Variants in SYCP1 observed in about 807,000 individuals in gnomAD.
SYCP1 encodes the protein synaptonemal complex protein 1.
In SYCP1, 64 loss-of-function variants were observed where a neutral mutation model predicts 153.1. The ratio of observed to expected loss-of-function variants is 0.42; its 90% CI spans 0.34 to 0.51. SYCP1 has a LOEUF of 0.51. Among genes scored for constraint, SYCP1 ranks in the 20% least tolerant of loss-of-function variants. SYCP1 has a pLI of 0.06. For missense variants in SYCP1, 997 were observed against 1,049.0 expected (o/e 0.95, Z 0.68); for synonymous variants, 384 against 341.8 (o/e 1.12, Z -1.36).
intron 23 of SYCP1, among the ~76,000 whole-genome samples, chr1:114,938,661 G>C (rs1670188357): frequency 6.6e-6 from 1 of 151,906 alleles, no homozygotes; most frequent in South Asian, 2.1e-4. Context: ...GGAACCATTT[G>C]TTTAGAACTG....
intron 27 of SYCP1, among the ~76,000 whole-genome samples, chr1:114,958,847 A>G (rs1671604472): frequency 6.7e-6 from 1 of 149,374 alleles, no homozygotes; most frequent in African/African-American, 2.5e-5. Context: ...GGAGAATGGC[A>G]TGAACCTGGG....
At chr1:114,884,932 C>T (rs541987180) in intron 12 of SYCP1, among the ~76,000 whole-genome samples, 2 of 151,848 alleles carry the variant, frequency 1.3e-5, no homozygotes, top group South Asian at 2.1e-4. Flanking sequence ...TAGACTAGTA[C>T]CTGAGACTTA....
chr1:114,897,200 T>C (rs1422246713), intron 16 of SYCP1, among the ~76,000 whole-genome samples: 1 of 152,196 alleles, frequency 6.6e-6, no homozygotes, highest in Non-Finnish European at 1.5e-5. Context: ...AATTGCTTCC[T>C]GCTGACAGGA....
At chr1:114,950,894 A>G (rs1044421909) in intron 27 of SYCP1, among the ~76,000 whole-genome samples, 8 of 149,314 alleles carry the variant, frequency 5.4e-5, no homozygotes, top group East Asian at 2.0e-4. Context: ...GTGCAATCTC[A>G]GCTCACTGCA....
At chr1:114,902,971 GGAGTTCGA>G (rs1667569505) in intron 16 of SYCP1, among the ~76,000 whole-genome samples, 1 of 152,118 alleles carries the variant, frequency 6.6e-6, no homozygotes, top group African/African-American at 2.4e-5. Context: ...CTTGAGGCCA[GGAGTTCGA>G]GATCGGCCTA....
intron 15 of SYCP1, among the ~76,000 whole-genome samples, chr1:114,888,555 C>A (rs977869483): frequency 6.6e-6 from 1 of 151,874 alleles, no homozygotes; most frequent in Non-Finnish European, 1.5e-5. Context: ...AACCCTTTAT[C>A]ATGTAAAATT....
At chr1:114,973,726 TTG>T (rs1260191192) in intron 27 of SYCP1, among the ~76,000 whole-genome samples, 1 of 151,986 alleles carries the variant, frequency 6.6e-6, no homozygotes, top group Non-Finnish European at 1.5e-5. Flanking sequence ...TTTGTTGTTG[TTG>T]TTAGTTTAGG....
chr1:114,959,502 G>C (rs1671650130), intron 27 of SYCP1, among the ~76,000 whole-genome samples: 1 of 152,042 alleles, frequency 6.6e-6, no homozygotes, highest in Admixed American at 6.5e-5. Context: ...TATTTTGATA[G>C]AAGCATACAT....
At chr1:114,962,743 T>C (rs60721627) in intron 27 of SYCP1, among the ~76,000 whole-genome samples, 58,573 of 152,024 alleles carry the variant, frequency 0.39, 12,496 homozygotes, top group East Asian at 0.5. Flanking sequence ...TTTTTTTCAT[T>C]GTGTTATTGT....
In SYCP1 at chr1:114,911,598, A is replaced by G; in HGVS notation, c.1529+16A>G. 7.1e-7 allele frequency: 1 copy of G among 1,407,418 alleles called. No individual in the cohort carries two copies. The highest frequency in any genetic ancestry group is 1.5e-5 in the African/African-American group (1 of 67,798). The allele number at this position is 1,407,418 out of a possible 1,614,324, so 87.2% of individuals were successfully genotyped here. A position where few individuals can be genotyped will look rare whatever the true frequency, so the allele number is the denominator to read the frequency against. On this transcript the variant is annotated intron_variant, in intron 18 of 31. Transcript: ENST00000369522. Reference sequence around the variant, plus strand: ...AAAACGAGAAGTATGTTTTCCATTTATCTAAAAATAGTTTATGTACTCAAT... The same window carrying G: ...AAAACGAGAAGTATGTTTTCCATTTGTCTAAAAATAGTTTATGTACTCAAT...
intron 20 of SYCP1, among the ~76,000 whole-genome samples, chr1:114,915,167 A>T (rs1668440378): frequency 6.6e-6 from 1 of 152,210 alleles, no homozygotes; most frequent in Non-Finnish European, 1.5e-5. Context: ...ATCTCTTACA[A>T]TGGCTCTTGA....
intron 16 of SYCP1, among the ~76,000 whole-genome samples, chr1:114,900,341 C>T (rs377573969): frequency 1.3e-4 from 19 of 151,924 alleles, no homozygotes; most frequent in South Asian, 4.1e-4. Flanking sequence ...AGTGCGGTGG[C>T]GTGATCTCAG....
At chr1:114,917,123 T>A (rs1172776991) in intron 20 of SYCP1, among the ~76,000 whole-genome samples, 1 of 152,090 alleles carries the variant, frequency 6.6e-6, no homozygotes, top group Non-Finnish European at 1.5e-5. Context: ...TCATTAACCA[T>A]CTCCATTTCC....
intron 27 of SYCP1, among the ~76,000 whole-genome samples, chr1:114,964,913 G>T (rs957235606): frequency 6.6e-6 from 1 of 152,202 alleles, no homozygotes; most frequent in Non-Finnish European, 1.5e-5. Flanking sequence ...GTCAATGGTA[G>T]CTTGATGGGG....
At chr1:114,923,640 A>ATC (rs1669053094) in intron 21 of SYCP1, 110 bp downstream of exon 21, 2 of 1,099,026 alleles carry the variant, frequency 1.8e-6, no homozygotes, top group African/African-American at 3.3e-5. Context: ...AATAATAGTG[A>ATC]TCTAGAGACT....
chr1:114,922,374 G>T (rs1375594872), intron 20 of SYCP1, among the ~76,000 whole-genome samples: 3 of 152,214 alleles, frequency 2.0e-5, no homozygotes, highest in African/African-American at 4.8e-5. Flanking sequence ...AAGAAAAGAG[G>T]TTAATTGGTT....
intron 16 of SYCP1, among the ~76,000 whole-genome samples, chr1:114,905,813 G>A (rs2101647037): frequency 6.6e-6 from 1 of 152,168 alleles, no homozygotes; most frequent in Admixed American, 6.5e-5. Context: ...GTAGTTTTTG[G>A]TTTTAAAGAA....
chr1:114,991,500 A>G (rs563360330), intron 30 of SYCP1, among the ~76,000 whole-genome samples: 1 of 152,052 alleles, frequency 6.6e-6, no homozygotes, highest in African/African-American at 2.4e-5. Context: ...GAGGTTCAAC[A>G]TAAGAAAATA....
Position 114,887,712 on chromosome 1 carries a change from T to C in SYCP1, c.1258+19T>C. On this transcript the variant is annotated intron_variant, in intron 15 of 31. Transcript: ENST00000369522. The stretch of plus-strand genomic sequence containing the variant: ...GAGCTGGGTAAGACTTAGAGAATAA[T>C]GTGTGTACTTTAATAATATTAACTT... 4 of 1,432,506 alleles carry C rather than the reference T, an allele frequency of 2.8e-6. No homozygotes were observed. Among genetic ancestry groups the C allele is most frequent in the Non-Finnish European group, 3.8e-6 (4 of 1,064,066 alleles). 88.7% of individuals were successfully genotyped at this position (1,432,506 alleles called of 1,614,324 possible).
Sources: allele counts gnomAD v4.1 joint callset (sites outside exome capture counted in the v4.1 genomes callset), GRCh38; gene constraint gnomAD v4.1.1; transcripts MANE v1.5; gene names NCBI Gene and HGNC (gene_info 2026-07-23, HGNC 2026-07-21).